GNAO1: variants seen among roughly 807,000 people sequenced by gnomAD.
GNAO1 encodes the protein G protein subunit alpha o1.
For missense variants in GNAO1, 166 were observed against 478.7 expected (o/e 0.35, Z 6.10); for synonymous variants, 164 against 180.7 (o/e 0.91, Z 0.74).
At chr16:56,247,437 C>G (rs1399924033) in intron 2 of GNAO1, among the ~76,000 whole-genome samples, 1 of 150,100 alleles carries the variant, frequency 6.7e-6, no homozygotes, top group Admixed American at 6.6e-5. Flanking sequence ...TTTTGCTTTT[C>G]TCTTGCAGTG....
At chr16:56,324,499 G>C (rs1467464670) in intron 3 of GNAO1, among the ~76,000 whole-genome samples, 2 of 152,218 alleles carry the variant, frequency 1.3e-5, no homozygotes, top group African/African-American at 2.4e-5. Context: ...AGTACCCCAA[G>C]ATTGCCCGAG....
At position 56,311,888 on chromosome 16, in the gene GNAO1, C is replaced by T. The variant is rs1351165458; in HGVS notation, c.304-16743C>T. Among the ~76,000 whole-genome samples the T allele has an allele frequency of 1.3e-5, 2 of 152,324 alleles. No individual in the cohort carries two copies. Among genetic ancestry groups the T allele is most frequent in the Non-Finnish European group, 1.5e-5 (1 of 68,022 alleles). ...GGAGTATTTGTCACCCTTGTTTTTA[C>T]ACCTGTCACCATCCCACCTGCCGCA... On this transcript the variant is annotated intron_variant, in intron 3 of 8. Transcript: ENST00000262493. The surrounding 1 kb of genome is among the most constrained non-coding windows in gnomAD (Gnocchi z 5.2).
rs115055320 is a variant in GNAO1, at chr16:56,267,903, A to G, written c.162-8028A>G. Reference sequence around the variant, plus strand: ...GAATATACCCCTGCCCCCCACCCCTACAGGAACACCTCTAAATTATTGGGA... The same window carrying G: ...GAATATACCCCTGCCCCCCACCCCTGCAGGAACACCTCTAAATTATTGGGA... On this transcript the variant is annotated intron_variant, in intron 2 of 8. Transcript: ENST00000262493. Among the ~76,000 whole-genome samples, 648 of 134,370 alleles carry G rather than the reference A, an allele frequency of 4.8e-3. 1 individual carries two copies. Among genetic ancestry groups the G allele is most frequent in the African/African-American group, 0.017 (608 of 34,888 alleles). 88.2% of individuals were successfully genotyped at this position (134,370 alleles called of 152,430 possible).
intron 3 of GNAO1, among the ~76,000 whole-genome samples, chr16:56,280,500 C>T (rs1356842133): frequency 2.6e-5 from 4 of 151,620 alleles, no homozygotes; most frequent in African/African-American, 7.3e-5. Flanking sequence ...AGTAGGCAGC[C>T]GTGGAGAGAT....
chr16:56,316,059 CAA>C (rs573362806), intron 3 of GNAO1, among the ~76,000 whole-genome samples: 1 of 143,370 alleles, frequency 7.0e-6, no homozygotes, highest in Admixed American at 6.9e-5. Flanking sequence ...GACTCTGACT[CAA>C]AAAAAAAAAG....
chr16:56,348,050 CCAT>C (rs1443630156), intron 6 of GNAO1: 15 of 980,950 alleles, frequency 1.5e-5, no homozygotes, highest in Non-Finnish European at 1.8e-5. Flanking sequence ...CCTCCCAACC[CCAT>C]CACTGCTGCC....
chr16:56,338,684 C>G (rs1489287360), intron 6 of GNAO1, among the ~76,000 whole-genome samples: 1 of 152,226 alleles, frequency 6.6e-6, no homozygotes, highest in African/African-American at 2.4e-5. Flanking sequence ...ACCCAAGTCC[C>G]AGGCCCACCG....
chr16:56,205,118 GTTGTGTCC>G (rs2036315446), intron 2 of GNAO1, among the ~76,000 whole-genome samples: 1 of 152,222 alleles, frequency 6.6e-6, no homozygotes, highest in Non-Finnish European at 1.5e-5. Context: ...ACCAGTGCAT[GTTGTGTCC>G]ATATGTACTC....
chr16:56,212,253 C>G (rs1262058067), intron 2 of GNAO1, among the ~76,000 whole-genome samples: 2 of 152,202 alleles, frequency 1.3e-5, no homozygotes, highest in African/African-American at 2.4e-5. Context: ...TAATTGAATG[C>G]CATACATGGT....
chr16:56,322,307 C>T (rs1017799736), intron 3 of GNAO1, among the ~76,000 whole-genome samples: 1 of 152,200 alleles, frequency 6.6e-6, no homozygotes, highest in African/African-American at 2.4e-5. Context: ...CCTGGGCACC[C>T]AGGCACGCTC....
intron 4 of GNAO1, 33 bp downstream of exon 4, chr16:56,328,824 C>T: frequency 3.1e-6 from 5 of 1,607,658 alleles, no homozygotes; most frequent in Non-Finnish European, 3.4e-6. Context: ...GGCCTGGAGC[C>T]GGGCAGTGAT....
intron 3 of GNAO1, among the ~76,000 whole-genome samples, chr16:56,327,373 A>G (rs2037645247): frequency 6.6e-6 from 1 of 152,102 alleles, no homozygotes; most frequent in South Asian, 2.1e-4. Context: ...CAGACAGGAC[A>G]TATACTCAGC....
At chr16:56,274,182 C>T (rs1187462566) in intron 2 of GNAO1, among the ~76,000 whole-genome samples, 4 of 152,176 alleles carry the variant, frequency 2.6e-5, no homozygotes, top group African/African-American at 7.2e-5. Flanking sequence ...AGGCCATCAC[C>T]GGACTCTCCT....
chr16:56,298,804 A>G (rs1013273200), intron 3 of GNAO1, among the ~76,000 whole-genome samples: 14 of 151,894 alleles, frequency 9.2e-5, no homozygotes, highest in Non-Finnish European at 1.8e-4. Flanking sequence ...AGTCCCAGCT[A>G]CTTAGGAGGC....
At chr16:56,200,658 A>G (rs1206685670) in intron 2 of GNAO1, among the ~76,000 whole-genome samples, 1 of 152,184 alleles carries the variant, frequency 6.6e-6, no homozygotes, top group African/African-American at 2.4e-5. Flanking sequence ...GACCACCCCC[A>G]GTATGGGCAG....
chr16:56,314,520 G>A (rs1359364187), intron 3 of GNAO1, among the ~76,000 whole-genome samples: 1 of 152,174 alleles, frequency 6.6e-6, no homozygotes, highest in African/African-American at 2.4e-5. Flanking sequence ...ACGGGTACTC[G>A]AGTGGAGTTT....
intron 6 of GNAO1, chr16:56,345,564 C>T (rs2037858059): frequency 1.0e-6 from 1 of 985,544 alleles, no homozygotes; most frequent in South Asian, 4.7e-5. Flanking sequence ...GGACCGGTGC[C>T]TGGGGAGCCT....
intron 3 of GNAO1, among the ~76,000 whole-genome samples, chr16:56,291,935 C>G (rs1334259371): frequency 6.6e-6 from 1 of 152,168 alleles, no homozygotes; most frequent in African/African-American, 2.4e-5. Flanking sequence ...CCCAAAGGCC[C>G]CACCTCTTAA....
chr16:56,285,253 C>T (rs1374359080), intron 3 of GNAO1, among the ~76,000 whole-genome samples: 1 of 152,138 alleles, frequency 6.6e-6, no homozygotes, highest in Non-Finnish European at 1.5e-5. Context: ...CCAACCCCGC[C>T]CCCCACCGCC....
Sources: gnomAD v4.1 joint callset for allele counts (sites outside exome capture counted in the v4.1 genomes callset) on GRCh38, gnomAD v4.1.1 for gene constraint, Gnocchi (gnomAD v3.1) non-coding constraint, MANE v1.5 for transcripts, NCBI Gene and HGNC (gene_info 2026-07-23, HGNC 2026-07-21) for gene names.